BCAS3: variants seen among roughly 807,000 people sequenced by gnomAD.
The protein encoded by BCAS3 is BCAS3 microtubule associated cell migration factor.
BCAS3 carries 53 observed loss-of-function variants against 116.1 expected under a neutral mutation model. The observed-to-expected ratio is 0.46, with a 90% CI of 0.37 to 0.57. The LOEUF (loss-of-function observed/expected upper bound fraction) is 0.57. Among genes scored for constraint, BCAS3 ranks in the 20% least tolerant of loss-of-function variants. BCAS3 has a pLI of 0.00. For missense variants in BCAS3, 917 were observed against 1,165.4 expected, an observed-to-expected ratio of 0.79 and a Z score of 3.10; for synonymous variants, 391 against 408.2, an observed-to-expected ratio of 0.96 and a Z score of 0.51.
rs528484285 is a variant in BCAS3 at position 61,161,625 on chromosome 17, C to T, written c.2425+77061C>T. On this transcript the variant is annotated intron_variant, in intron 22 of 23. Coordinates refer to ENST00000407086, the MANE Select transcript of BCAS3 (RefSeq NM_017679.5). This position sits in a 1 kb window ranked among gnomAD's most constrained non-coding sequence, Gnocchi z 4.8. The stretch of plus-strand genomic sequence containing the variant: ...AGATAGACGATGTCTTTATTTTAAA[C>T]AATCTAGTGGTGGTTGAAGAGGCCA... Among the ~76,000 whole-genome samples, 42 of 152,172 alleles carry T rather than the reference C, an allele frequency of 2.8e-4. 1 individual carries two copies. The highest frequency in any genetic ancestry group is 9.9e-4 in the African/African-American group (41 of 41,530).
At chr17:60,992,913 C>G (rs1332466050) in intron 15 of BCAS3, among the ~76,000 whole-genome samples, 1 of 151,988 alleles carries the variant, frequency 6.6e-6, no homozygotes, top group Non-Finnish European at 1.5e-5. Flanking sequence ...AAAATTTTAG[C>G]AAAATCTTTT....
chr17:60,679,507 C>T lies in BCAS3; in HGVS notation c.50C>T (p.Thr17Ile), dbSNP rs1454508343. The change falls in exon 2 of 24, where the codon ACT becomes ATT. Residue 17 changes from threonine (T) to isoleucine (I), a missense_variant. This residue lies in a region of BCAS3 where 807 missense variants were observed against 1,026.0 expected (regional missense o/e 0.79). Coordinates refer to ENST00000407086, the MANE Select transcript of BCAS3 (RefSeq NM_017679.5). ...TCCCCAAGAAGACCCAGTCGTTGTA[C>T]TGGTGGAGTTGTGGTTCGCCCCCAG... is the stretch of plus-strand genomic sequence containing the variant. ...TDSPRRPSRC[T>I]GGVVVRPQAV... The T allele has an allele frequency of 6.2e-7, 1 of 1,613,962 alleles. No individual in the cohort carries two copies. Among genetic ancestry groups the T allele is most frequent in the Non-Finnish European group, 8.5e-7 (1 of 1,179,904 alleles).
chr17:61,202,339 C>G (rs933596725), intron 22 of BCAS3, among the ~76,000 whole-genome samples: 1 of 151,738 alleles, frequency 6.6e-6, no homozygotes, highest in Non-Finnish European at 1.5e-5. Flanking sequence ...CTGATGAGAT[C>G]TGAAACGATT....
At chr17:60,758,264 G>GT (rs2043186836) in intron 6 of BCAS3, among the ~76,000 whole-genome samples, 1 of 151,808 alleles carries the variant, frequency 6.6e-6, no homozygotes, top group Non-Finnish European at 1.5e-5. Context: ...TTTGAGAATT[G>GT]TTTTTTCTAA....
chr17:60,835,751 A>G (rs982661047), intron 7 of BCAS3, among the ~76,000 whole-genome samples: 2 of 152,122 alleles, frequency 1.3e-5, no homozygotes, highest in Non-Finnish European at 2.9e-5. Context: ...TAAAGCCTTT[A>G]TAACAATGGG....
intron 22 of BCAS3, among the ~76,000 whole-genome samples, chr17:61,179,065 G>A (rs1050511016): frequency 2.6e-5 from 4 of 151,922 alleles, no homozygotes; most frequent in Non-Finnish European, 4.4e-5. Flanking sequence ...AAATTGGGCC[G>A]TCAGCCTAAC....
intron 10 of BCAS3, among the ~76,000 whole-genome samples, chr17:60,899,026 T>A (rs1382464322): frequency 6.6e-6 from 1 of 152,012 alleles, no homozygotes; most frequent in Non-Finnish European, 1.5e-5. Context: ...ATGAGTTCTG[T>A]CTTTGGGGGT....
At chr17:61,030,425 C>A (rs2066549589) in intron 16 of BCAS3, among the ~76,000 whole-genome samples, 2 of 151,768 alleles carry the variant, frequency 1.3e-5, no homozygotes, top group Non-Finnish European at 2.9e-5. Context: ...AAAAAATAGG[C>A]CAGAGAAATT....
intron 22 of BCAS3, chr17:61,135,866 C>T (rs995302702): frequency 3.9e-5 from 6 of 152,374 alleles, no homozygotes; most frequent in Non-Finnish European, 8.8e-5. Context: ...AAGATACTTA[C>T]TGTCGGGCTG....
chr17:60,679,098 G>T (rs980095884), intron 1 of BCAS3, among the ~76,000 whole-genome samples: 2 of 152,140 alleles, frequency 1.3e-5, no homozygotes, highest in Non-Finnish European at 2.9e-5. Flanking sequence ...GGTGGCGCTC[G>T]CCTGTAATCC....
intron 22 of BCAS3, among the ~76,000 whole-genome samples, chr17:61,250,076 C>T (rs2144542053): frequency 6.6e-6 from 1 of 152,252 alleles, no homozygotes; most frequent in South Asian, 2.1e-4. Flanking sequence ...AGACACCAGG[C>T]CCCTTGCCCT....
At chr17:60,889,935 G>GT (rs1396825239) in intron 10 of BCAS3, among the ~76,000 whole-genome samples, 164 bp downstream of exon 10, 8 of 152,170 alleles carry the variant, frequency 5.3e-5, no homozygotes. Context: ...AATTGAACTC[G>GT]TTTAAGAATT....
At chr17:60,976,988 G>T (rs1052167378) in intron 14 of BCAS3, among the ~76,000 whole-genome samples, 1 of 151,934 alleles carries the variant, frequency 6.6e-6, no homozygotes, top group Non-Finnish European at 1.5e-5. Context: ...CGGACAGAGG[G>T]GCTCCTCACT....
intron 6 of BCAS3, among the ~76,000 whole-genome samples, chr17:60,795,031 G>A (rs867296797): frequency 3.3e-5 from 5 of 152,210 alleles, no homozygotes; most frequent in Admixed American, 6.5e-5. Context: ...CTACCCATCT[G>A]CGAGCGTGAG....
chr17:60,940,242 A>T (rs984941759), intron 13 of BCAS3, among the ~76,000 whole-genome samples: 3 of 152,176 alleles, frequency 2.0e-5, no homozygotes, highest in African/African-American at 7.2e-5. Context: ...CAACTTTTGT[A>T]AGGGATCAGC....
chr17:60,932,424 C>T (rs2059696109), intron 13 of BCAS3, among the ~76,000 whole-genome samples: 1 of 152,052 alleles, frequency 6.6e-6, no homozygotes, highest in South Asian at 2.1e-4. Flanking sequence ...ATAAAATCAA[C>T]TTATGTCTAA....
chr17:61,043,758 A>G lies in BCAS3; in HGVS notation c.2029+2866A>G, dbSNP rs376089678. Among the ~76,000 whole-genome samples the G allele has an allele frequency of 5.9e-5, 9 of 152,116 alleles. 1 individual carries two copies. The South Asian group carries it at 1.9e-3, about 32-fold the overall frequency. On this transcript the variant is annotated intron_variant, in intron 19 of 23. Coordinates refer to ENST00000407086, the MANE Select transcript of BCAS3 (RefSeq NM_017679.5). Reference sequence around the variant, plus strand: ...AGCTGCCAGGATATAGGCTCTGTCCACCCACAACTCTGAATGAATGAATAC... The same window carrying G: ...AGCTGCCAGGATATAGGCTCTGTCCGCCCACAACTCTGAATGAATGAATAC...
rs1194383577 is a variant in BCAS3, at chr17:61,073,869, A to G, written c.2030-1051A>G. Among the ~76,000 whole-genome samples the G allele has an allele frequency of 6.6e-6, 1 of 152,034 alleles. No individual in the cohort carries two copies. The highest frequency in any genetic ancestry group is 6.6e-5 in the Admixed American group (1 of 15,244). On this transcript the variant is annotated intron_variant, in intron 19 of 23. Coordinates refer to ENST00000407086, the MANE Select transcript of BCAS3 (RefSeq NM_017679.5). The surrounding 1 kb of genome is among the most constrained non-coding windows in gnomAD (Gnocchi z 4.6). ...TCATGCCTGTAATCCCAGCACTCTG[A>G]GAGCCAAAGCCAGAGGATCACTTGA...
chr17:60,896,145 G>A (rs936637526), intron 10 of BCAS3, among the ~76,000 whole-genome samples: 54 of 152,186 alleles, frequency 3.5e-4, no homozygotes, highest in African/African-American at 1.3e-3. Context: ...GGCCAACATG[G>A]CAAAATGCTG....
Sources: allele counts gnomAD v4.1 joint callset (sites outside exome capture counted in the v4.1 genomes callset), GRCh38; gene constraint gnomAD v4.1.1; regional missense constraint gnomAD v4.1.1; non-coding constraint Gnocchi (gnomAD v3.1); transcripts MANE v1.5; gene names NCBI Gene and HGNC (gene_info 2026-07-23, HGNC 2026-07-21).